ZNF614: variants seen among roughly 807,000 people sequenced by gnomAD.
ZNF614 encodes the protein zinc finger protein 614.
Under a neutral mutation model 12.8 loss-of-function variants are expected in ZNF614, and 11 were observed. The ratio of observed to expected loss-of-function variants is 0.86; its 90% confidence interval spans 0.54 to 1.43. The LOEUF (loss-of-function observed/expected upper bound fraction) is 1.43. ZNF614 is among the 40% of genes most tolerant of loss of function. The pLI, the probability that ZNF614 is intolerant of heterozygous loss-of-function variation, is 0.00. For missense variants in ZNF614, 664 were observed against 708.8 expected (o/e 0.94, Z 0.72); for synonymous variants, 237 against 237.5 (o/e 1.00, Z 0.02).
chr19:52,024,523 T>C (rs1469300055), intron 2 of ZNF614, among the ~76,000 whole-genome samples: 2 of 151,910 alleles, frequency 1.3e-5, no homozygotes, highest in Admixed American at 1.3e-4. Context: ...ACTGTGTCTA[T>C]GTAGAAAGAA....
At position 52,016,738 on chromosome 19, in the gene ZNF614, T is replaced by C. The variant is rs755873452; in HGVS notation, c.860A>G (p.Tyr287Cys). ...HQQTHTEEKS[Y>C]MCSECGKGFT... ...GCCCTTTCCACACTCACTGCACATA[T>C]AGGATTTCTCTTCTGTATGGGTTTG... is the stretch of plus-strand genomic sequence containing the variant. Residue 287 changes from tyrosine to cysteine, a missense_variant, in exon 5 of 5, where the codon TAT becomes TGT. Tyr to Cys is a radical substitution (Grantham distance 194). Transcript: ENST00000270649. 3.7e-5 allele frequency: 59 copies of C among 1,614,062 alleles called. No individual in the cohort carries two copies. The highest frequency in any genetic ancestry group is 6.7e-5 in the African/African-American group (5 of 74,952).
Position 52,016,423 on chromosome 19 carries a change from G to T in ZNF614, c.1175C>A (p.Ser392Tyr). The change falls in exon 5 of 5, where the codon TCC (serine) becomes TAC (tyrosine). Residue 392 changes from serine to tyrosine, a missense_variant. Ser to Tyr is a moderately radical substitution (Grantham distance 144, BLOSUM62 -2). Coordinates refer to ENST00000270649, the MANE Select transcript of ZNF614 (RefSeq NM_025040.4). ...VKSNLIVHQR[S>Y]HTGEKSYICS... ...TATGTAAGATTTTTCTCCTGTGTGG[G>T]AGCGCTGATGTACAATGAGATTGCT... 6.2e-7 allele frequency: 1 copy of T among 1,614,058 alleles called. No homozygotes were observed. Among genetic ancestry groups the T allele is most frequent in the Non-Finnish European group, 8.5e-7 (1 of 1,180,000 alleles).
At chr19:52,026,427 C>T (rs1568516119) in intron 1 of ZNF614, among the ~76,000 whole-genome samples, 1 of 152,204 alleles carries the variant, frequency 6.6e-6, no homozygotes, top group African/African-American at 2.4e-5. Flanking sequence ...TTGTTAAAAA[C>T]GTGCTTGAAG....
Position 52,017,331 on chromosome 19 carries a change from T to C in ZNF614, c.267A>G (p.Gln89=), listed in dbSNP as rs748005481. The change falls in exon 5 of 5, where the codon CAA becomes CAG. Residue 89 remains glutamine, a synonymous_variant. Coordinates refer to ENST00000270649, the MANE Select transcript of ZNF614 (RefSeq NM_025040.4). ...GAAGTCTTTGGTTTGGAGAGTGCTC[T>C]TGCAGATGACTGTCAACTTTCCCGA... ...PGIGKVDSHL[Q]EHSPNQRLLK... is the part of the protein sequence containing the mutation. 3 of 1,603,658 alleles carry C rather than the reference T, an allele frequency of 1.9e-6. No homozygotes were observed. Among genetic ancestry groups the C allele is most frequent in the East Asian group, 2.2e-5 (1 of 44,802 alleles).
At chr19:52,022,762 G>C (rs974481593) in intron 2 of ZNF614, among the ~76,000 whole-genome samples, 2 of 151,972 alleles carry the variant, frequency 1.3e-5, no homozygotes, top group African/African-American at 2.4e-5. Flanking sequence ...TTTACCTATG[G>C]TACCTAGTTA....
chr19:52,026,203 C>A (rs529296545), intron 1 of ZNF614, among the ~76,000 whole-genome samples: 1 of 152,292 alleles, frequency 6.6e-6, no homozygotes, highest in South Asian at 2.1e-4. Flanking sequence ...GCCTCAGAGG[C>A]AGGTGTCTGG....
intron 2 of ZNF614, among the ~76,000 whole-genome samples, chr19:52,022,595 T>A (rs1407151054): frequency 2.1e-3 from 267 of 129,642 alleles, no homozygotes; most frequent in African/African-American, 6.6e-3. Flanking sequence ...ATATATAATT[T>A]AAAAAAAAAA....
chr19:52,018,877 A>T lies in ZNF614; in HGVS notation c.16-383T>A, dbSNP rs895305074. ...TTGATTAGATTTTTATTTATTTTTT[A>T]ATTTTTAAAGAGAGATGGTCTTGCT... is the stretch of plus-strand genomic sequence containing the variant. On this transcript the variant is annotated intron_variant, in intron 2 of 4. Transcript: ENST00000270649. 7.2e-5 allele frequency among the ~76,000 whole-genome samples: 11 copies of T among 152,290 alleles called. No homozygotes were observed. The South Asian group carries it at 2.3e-3, about 32-fold the overall frequency.
intron 4 of ZNF614, 87 bp downstream of exon 4, chr19:52,017,921 C>A: frequency 1.0e-6 from 1 of 963,030 alleles, no homozygotes; most frequent in Non-Finnish European, 1.6e-6. Context: ...TGCTTAGGTA[C>A]CCTCAGATAC....
rs1323037970 is a variant in ZNF614 at position 52,016,712 on chromosome 19, A to G, written c.886T>C (p.Phe296Leu). 6.2e-7 allele frequency: 1 copy of G among 1,614,190 alleles called. No individual in the cohort carries two copies. The highest frequency in any genetic ancestry group is 8.5e-7 in the Non-Finnish European group (1 of 1,180,040). Residue 296 changes from phenylalanine (F) to leucine (L), a missense_variant, in exon 5 of 5, where the codon TTT (phenylalanine) becomes CTT (leucine). Physicochemically the swap from Phe to Leu is conservative, Grantham distance 22. Transcript: ENST00000270649. ...SYMCSECGKG[F>L]TMKRYLIAHQ... is the part of the protein sequence containing the mutation. ...GCAATTAGATAGCGCTTCATTGTAAAGCCCTTTCCACACTCACTGCACATA... is the reference window on the plus strand; with the variant it reads ...GCAATTAGATAGCGCTTCATTGTAAGGCCCTTTCCACACTCACTGCACATA...
intron 3 of ZNF614, 66 bp downstream of exon 3, chr19:52,018,302 G>T (rs754635921): frequency 3.0e-5 from 49 of 1,610,478 alleles, no homozygotes; most frequent in Non-Finnish European, 4.0e-5. Flanking sequence ...GCTTTGATTA[G>T]GTGAGCATAG....
intron 3 of ZNF614, 113 bp from the exon 4 acceptor site, chr19:52,018,216 A>G (rs2086912540): frequency 4.1e-6 from 6 of 1,456,114 alleles, no homozygotes; most frequent in Middle Eastern, 2.1e-4. Flanking sequence ...ATTCTGTCTT[A>G]GAAGAGATTA....
intron 2 of ZNF614, among the ~76,000 whole-genome samples, chr19:52,024,528 A>G (rs2086957403): frequency 6.6e-6 from 1 of 151,866 alleles, no homozygotes; most frequent in Non-Finnish European, 1.5e-5. Context: ...GTCTATGTAG[A>G]AAGAAGTAGA....
chr19:52,025,960 G>C lies in ZNF614; in HGVS notation c.-215C>G. 1 of 550,848 alleles carries C rather than the reference G, an allele frequency of 1.8e-6. No homozygotes were observed. The highest frequency in any genetic ancestry group is 2.1e-5 in the South Asian group (1 of 47,116). The allele number at this position is 550,848 out of a possible 1,614,324, so 34.1% of individuals were successfully genotyped here. ...TTGCTTCTGGGAGCCAGGACCTGAG[G>C]ACTGATAAACAAAATGGCTTTCAGT... is the stretch of plus-strand genomic sequence containing the variant. On this transcript the variant is annotated splice_region_variant and 5_prime_UTR_variant, in exon 2 of 5. Coordinates refer to ENST00000270649, the MANE Select transcript of ZNF614 (RefSeq NM_025040.4).
intron 4 of ZNF614, 113 bp downstream of exon 4, chr19:52,017,895 G>A (rs1478087825): frequency 5.8e-6 from 4 of 687,272 alleles, no homozygotes; most frequent in Non-Finnish European, 9.7e-6. Context: ...ATGGGGAGAT[G>A]AATATATAGT....
chr19:52,022,549 A>G (rs1199770587), intron 2 of ZNF614, among the ~76,000 whole-genome samples: 1 of 152,038 alleles, frequency 6.6e-6, no homozygotes, highest in Admixed American at 6.5e-5. Flanking sequence ...TTCGACATTA[A>G]AGTTTACTTT....
chr19:52,025,068 C>T (rs987276592), intron 2 of ZNF614, among the ~76,000 whole-genome samples: 1 of 152,158 alleles, frequency 6.6e-6, no homozygotes, highest in African/African-American at 2.4e-5. Flanking sequence ...AAGACTGCGC[C>T]ACTGCACTCC....
At chr19:52,018,324 G>A in intron 3 of ZNF614, 44 bp downstream of exon 3, 2 of 1,613,104 alleles carry the variant, frequency 1.2e-6, no homozygotes, top group South Asian at 2.2e-5. Flanking sequence ...ACGGTGTCTG[G>A]GCATTGTAGG....
At chr19:52,018,308 CA>C in intron 3 of ZNF614, 59 bp downstream of exon 3, 1 of 1,611,824 alleles carries the variant, frequency 6.2e-7, no homozygotes, top group Non-Finnish European at 8.5e-7. Flanking sequence ...ATTAGGTGAG[CA>C]TAGGACGGTG....
Sources: gnomAD v4.1 joint callset for allele counts (sites outside exome capture counted in the v4.1 genomes callset) on GRCh38, gnomAD v4.1.1 for gene constraint, MANE v1.5 for transcripts, NCBI Gene and HGNC (gene_info 2026-07-23, HGNC 2026-07-21) for gene names.